The following NBEA variants were observed in gnomAD, a reference collection of about 807,000 sequenced individuals.
NBEA encodes the protein neurobeachin.
A neutral mutation model predicts 343.4 loss-of-function variants in NBEA; 44 were observed. The observed-to-expected ratio is 0.13, with a 90% CI of 0.10 to 0.16. The LOEUF is 0.16. Ranked by LOEUF, NBEA falls within the 10% of genes least tolerant of loss-of-function variation. The pLI is 1.00. For missense variants in NBEA, 2,555 were observed against 3,631.3 expected (o/e 0.70, Z 7.62); for synonymous variants, 1,175 against 1,238.7 (o/e 0.95, Z 1.08).
At position 35,159,013 on chromosome 13, in the gene NBEA, A is replaced by G; in HGVS notation, c.2845-3A>G. 1 of 1,570,772 alleles carries G rather than the reference A, an allele frequency of 6.4e-7. No homozygotes were observed. The highest frequency in any genetic ancestry group is 1.2e-5 in the South Asian group (1 of 83,308). ...CTTAATGTTTTCTTTACTTATTCCTAAGGTCACTTATGAAGCTCATAAGGA... is the reference window on the plus strand; with the variant it reads ...CTTAATGTTTTCTTTACTTATTCCTGAGGTCACTTATGAAGCTCATAAGGA... On this transcript the variant is annotated splice_region_variant and splice_polypyrimidine_tract_variant and intron_variant, in intron 21 of 58. Transcript: ENST00000379939.
Position 35,156,204 on chromosome 13 carries a change from A to G in NBEA, c.2649A>G (p.Arg883=). 6.3e-7 allele frequency: 1 copy of G among 1,577,616 alleles called. No homozygotes were observed. Among genetic ancestry groups the G allele is most frequent in the East Asian group, 2.3e-5 (1 of 44,142 alleles). ...TTTTCAGTAACAGCCGTGAAAATAG[A>G]AGGTAAGCAGTTTGGATACTGTAAC... ...IKLFSNSREN[R]RCLLQCSVWQ... Residue 883 remains arginine (R), a splice_region_variant and synonymous_variant, in exon 20 of 59, where the codon AGA becomes AGG. Coordinates refer to ENST00000379939, the MANE Select transcript of NBEA (RefSeq NM_001385012.1).
intron 36 of NBEA, among the ~76,000 whole-genome samples, chr13:35,340,028 G>A (rs908291496): frequency 1.3e-5 from 2 of 151,994 alleles, no homozygotes; most frequent in African/African-American, 4.8e-5. Context: ...ATTGTTGGTG[G>A]GATTGTAAAT....
intron 1 of NBEA, among the ~76,000 whole-genome samples, chr13:34,976,566 A>G (rs1004300160): frequency 6.6e-6 from 1 of 152,114 alleles, no homozygotes; most frequent in Non-Finnish European, 1.5e-5. Flanking sequence ...CTGAAAACCT[A>G]TTGAAATAAA....
intron 41 of NBEA, among the ~76,000 whole-genome samples, chr13:35,487,949 A>C (rs568335055): frequency 6.6e-6 from 1 of 152,014 alleles, no homozygotes; most frequent in African/African-American, 2.4e-5. Flanking sequence ...GGAGAATAAT[A>C]GCGAAACATG....
chr13:35,644,767 A>C (rs2153075641), intron 49 of NBEA, among the ~76,000 whole-genome samples: 1 of 152,344 alleles, frequency 6.6e-6, no homozygotes, highest in South Asian at 2.1e-4. Context: ...CCTAACCAGA[A>C]ATGGTCTCTT....
intron 49 of NBEA, among the ~76,000 whole-genome samples, chr13:35,643,374 C>T (rs113390004): frequency 0.013 from 1,933 of 152,272 alleles, 16 homozygotes; most frequent in Non-Finnish European, 0.02. Context: ...TTCCTGAGGT[C>T]AGCCTGGTAT....
intron 1 of NBEA, among the ~76,000 whole-genome samples, chr13:34,987,693 AT>A (rs1035440932): frequency 6.6e-6 from 1 of 150,390 alleles, no homozygotes; most frequent in Non-Finnish European, 1.5e-5. Flanking sequence ...TTGTTCATTT[AT>A]TTTTACTCTT....
intron 35 of NBEA, among the ~76,000 whole-genome samples, chr13:35,306,205 C>G (rs1027998975): frequency 1.3e-5 from 2 of 151,904 alleles, no homozygotes; most frequent in Non-Finnish European, 2.9e-5. Context: ...CTTCCTTAAC[C>G]CTGGTGTTCT....
In NBEA at chr13:34,942,666, GGGCTGAGGCGCAGGCGGGGAGCGGGCCC is replaced by G; in HGVS notation, c.-151_-124del. The G allele has an allele frequency of 2.3e-6, 1 of 442,744 alleles. No individual in the cohort carries two copies. Among genetic ancestry groups the G allele is most frequent in the Non-Finnish European group, 3.6e-6 (1 of 277,342 alleles). The allele number at this position is 442,744 out of a possible 1,614,324, so 27.4% of individuals were successfully genotyped here. A position where few individuals can be genotyped will look rare whatever the true frequency, so the allele number is the denominator to read the frequency against. ...GCGGGGGAGAGCGCCGGAGCGGGCCGGGCTGAGGCGCAGGCGGGGAGCGGGCCCGGCGCCGCGGCGCTGGTGGATGCTG... is the reference window on the plus strand; with the variant it reads ...GCGGGGGAGAGCGCCGGAGCGGGCCGGGCGCCGCGGCGCTGGTGGATGCTG... On this transcript the variant is annotated 5_prime_UTR_variant, in exon 1 of 59. Transcript: ENST00000379939.
intron 26 of NBEA, 102 bp downstream of exon 26, chr13:35,171,554 A>C: frequency 2.1e-6 from 2 of 934,306 alleles, no homozygotes; most frequent in Non-Finnish European, 3.0e-6. Flanking sequence ...GTTGATGATT[A>C]TATAATATGG....
intron 36 of NBEA, among the ~76,000 whole-genome samples, chr13:35,338,679 C>A (rs1363701230): frequency 6.6e-6 from 1 of 152,024 alleles, no homozygotes; most frequent in Admixed American, 6.6e-5. Flanking sequence ...AAACCGGTAT[C>A]TACCACGCTA....
chr13:35,048,800 T>C, intron 5 of NBEA, 116 bp downstream of exon 5: 1 of 558,940 alleles, frequency 1.8e-6, no homozygotes, highest in Non-Finnish European at 3.0e-6. Context: ...TAATATATGC[T>C]AGAACTGTGA....
chr13:35,560,772 C>G (rs543205885), intron 44 of NBEA, among the ~76,000 whole-genome samples: 1 of 152,176 alleles, frequency 6.6e-6, no homozygotes, highest in African/African-American at 2.4e-5. Flanking sequence ...GGAGACATGA[C>G]TGGATTGGGG....
At chr13:35,323,537 G>A (rs1460821683) in intron 36 of NBEA, among the ~76,000 whole-genome samples, 3 of 145,732 alleles carry the variant, frequency 2.1e-5, no homozygotes, top group African/African-American at 7.6e-5. Context: ...GACACAGGAA[G>A]GGGAACATCA....
Position 35,671,256 on chromosome 13 carries a change from GT to G in NBEA, c.*268del. 1 of 318,946 alleles carries G rather than the reference GT, an allele frequency of 3.1e-6. No individual in the cohort carries two copies. The highest frequency in any genetic ancestry group is 7.3e-5 in the South Asian group (1 of 13,708). 19.8% of individuals were successfully genotyped at this position (318,946 alleles called of 1,614,324 possible). A position where few individuals can be genotyped will look rare whatever the true frequency, so the allele number is the denominator to read the frequency against. On this transcript the variant is annotated 3_prime_UTR_variant, in exon 59 of 59. Transcript: ENST00000379939. ...TTTGGTAATTATTTCATATATTGTT[GT>G]TTATTGAGAAAAGGTTGTAGGATGT... is the stretch of plus-strand genomic sequence containing the variant.
At chr13:35,561,352 C>T (rs2079848406) in intron 44 of NBEA, among the ~76,000 whole-genome samples, 1 of 152,066 alleles carries the variant, frequency 6.6e-6, no homozygotes, top group African/African-American at 2.4e-5. Context: ...AGAAGTGTTA[C>T]AGAATTGGAA....
At chr13:34,954,119 G>A (rs1295321240) in intron 1 of NBEA, among the ~76,000 whole-genome samples, 3 of 152,190 alleles carry the variant, frequency 2.0e-5, no homozygotes, top group Non-Finnish European at 4.4e-5. Flanking sequence ...TATTTACATA[G>A]CATTTACATT....
In NBEA at chr13:35,069,291, A is replaced by G. The variant is rs77227799; in HGVS notation, c.1240-617A>G. On this transcript the variant is annotated intron_variant, in intron 8 of 58. Coordinates refer to ENST00000379939, the MANE Select transcript of NBEA (RefSeq NM_001385012.1). ...TCATATCTGCAGAGCAATTTTAACC[A>G]CATCTAACAATACCTTTCTTGTTAT... is the stretch of plus-strand genomic sequence containing the variant. Among the ~76,000 whole-genome samples, 341 of 152,250 alleles carry G rather than the reference A, an allele frequency of 2.2e-3. 1 individual carries two copies. The highest frequency in any genetic ancestry group is 7.8e-3 in the African/African-American group (325 of 41,562).
At chr13:35,330,619 T>G (rs1467159827) in intron 36 of NBEA, among the ~76,000 whole-genome samples, 3 of 152,064 alleles carry the variant, frequency 2.0e-5, no homozygotes, top group Non-Finnish European at 4.4e-5. Flanking sequence ...TTATTCTCCC[T>G]ACTTCTCACC....
Sources: allele counts gnomAD v4.1 joint callset (sites outside exome capture counted in the v4.1 genomes callset), GRCh38; gene constraint gnomAD v4.1.1; transcripts MANE v1.5; gene names NCBI Gene and HGNC (gene_info 2026-07-23, HGNC 2026-07-21).